PPA2: variants seen among roughly 807,000 people sequenced by gnomAD.
PPA2 encodes the protein inorganic pyrophosphatase 2.
PPA2 carries 48 observed loss-of-function variants against 49.5 expected under a neutral mutation model. The observed-to-expected ratio is 0.97, with a 90% CI of 0.77 to 1.23. The LOEUF (loss-of-function observed/expected upper bound fraction) is 1.23. PPA2 is among the 50% of genes most tolerant of loss of function. The pLI, the probability that PPA2 is intolerant of heterozygous loss-of-function variation, is 0.00. For missense variants in PPA2, 429 were observed against 410.1 expected, an observed-to-expected ratio of 1.05 and a Z score of -0.40; for synonymous variants, 131 against 139.9, an observed-to-expected ratio of 0.94 and a Z score of 0.45.
intron 7 of PPA2, among the ~76,000 whole-genome samples, chr4:105,422,608 T>C (rs1156447118): frequency 1.3e-5 from 2 of 151,776 alleles, no homozygotes. Context: ...AGATGGGCTA[T>C]ATATTGCTCA....
intron 7 of PPA2, among the ~76,000 whole-genome samples, chr4:105,417,816 T>C (rs1173814532): frequency 8.5e-5 from 13 of 152,124 alleles, no homozygotes; most frequent in Non-Finnish European, 1.6e-4. Flanking sequence ...TCAGCAATCT[T>C]AGAAAGCGAC....
chr4:105,385,295 C>T (rs28545081), intron 10 of PPA2, among the ~76,000 whole-genome samples: 24 of 151,984 alleles, frequency 1.6e-4, no homozygotes, highest in African/African-American at 5.3e-4. Context: ...TCCATCTCTC[C>T]AGATAAAATG....
intron 7 of PPA2, among the ~76,000 whole-genome samples, chr4:105,422,713 C>T (rs1477461825): frequency 1.5e-4 from 23 of 152,224 alleles, no homozygotes; most frequent in Admixed American, 1.4e-3. Context: ...AAGTCACTTA[C>T]ATTCTCTGAC....
intron 9 of PPA2, among the ~76,000 whole-genome samples, chr4:105,393,034 A>G (rs1029145986): frequency 1.1e-4 from 17 of 152,192 alleles, no homozygotes; most frequent in African/African-American, 3.6e-4. Flanking sequence ...TGGCAAAGGA[A>G]ACAAAATGAG....
rs945551103 is a variant in PPA2 at position 105,446,286 on chromosome 4, T to G, written c.441+97A>C. The G allele has an allele frequency of 2.4e-6, 3 of 1,264,750 alleles. No individual in the cohort carries two copies. In the Admixed American group the frequency reaches 8.3e-5, roughly 35 times the overall value. The allele number at this position is 1,264,750 out of a possible 1,614,324, so 78.3% of individuals were successfully genotyped here. Reference sequence around the variant, plus strand: ...AATTTACAAACCTCTCCAAATGACATGTCCTCAGAACCAATTTAAATTCAG... The same window carrying G: ...AATTTACAAACCTCTCCAAATGACAGGTCCTCAGAACCAATTTAAATTCAG... On this transcript the variant is annotated intron_variant, in intron 5 of 11. Coordinates refer to ENST00000341695, the MANE Select transcript of PPA2 (RefSeq NM_176869.3).
chr4:105,440,842 A>C (rs1724327241), intron 5 of PPA2, among the ~76,000 whole-genome samples: 1 of 152,220 alleles, frequency 6.6e-6, no homozygotes, highest in Non-Finnish European at 1.5e-5. Context: ...TTGAGAAATT[A>C]AGTACCCAAG....
At chr4:105,379,215 C>T (rs2110365555) in intron 10 of PPA2, among the ~76,000 whole-genome samples, 1 of 152,116 alleles carries the variant, frequency 6.6e-6, no homozygotes, top group African/African-American at 2.4e-5. Context: ...AGGTTCTTTG[C>T]ATACTTTTGC....
At chr4:105,384,398 A>G (rs1002456886) in intron 10 of PPA2, among the ~76,000 whole-genome samples, 2 of 151,966 alleles carry the variant, frequency 1.3e-5, no homozygotes, top group African/African-American at 2.4e-5. Flanking sequence ...TAGATCACAT[A>G]TATGTCCTCC....
rs36109695 is a variant in PPA2, at chr4:105,373,766, T to TACACACACACAC, written c.940-2905_940-2894dup. ...CAAAGCCATATGATATATATTTAAA[T>TACACACACACAC]ACACACACACACACACACACACACA... On this transcript the variant is annotated intron_variant, in intron 10 of 11. Coordinates refer to ENST00000341695, the MANE Select transcript of PPA2 (RefSeq NM_176869.3). Among the ~76,000 whole-genome samples, 161 of 148,390 alleles carry TACACACACACAC rather than the reference T, an allele frequency of 1.1e-3. 1 individual carries two copies. Among genetic ancestry groups the TACACACACACAC allele is most frequent in the African/African-American group, 3.5e-3 (142 of 40,096 alleles).
chr4:105,454,100 T>G (rs1722778468), intron 2 of PPA2, among the ~76,000 whole-genome samples: 1 of 152,186 alleles, frequency 6.6e-6, no homozygotes, highest in Non-Finnish European at 1.5e-5. Flanking sequence ...CTTTTTTTCT[T>G]TTTTCTTTTC....
intron 10 of PPA2, among the ~76,000 whole-genome samples, chr4:105,383,204 T>C (rs946772714): frequency 1.3e-5 from 2 of 152,192 alleles, no homozygotes; most frequent in Non-Finnish European, 2.9e-5. Flanking sequence ...CAAACATCTA[T>C]ATTTGTAAAC....
At chr4:105,457,340 T>TTAAATAAACACAATGCCTTG (rs1722913752) in intron 1 of PPA2, among the ~76,000 whole-genome samples, 1 of 152,228 alleles carries the variant, frequency 6.6e-6, no homozygotes, top group Non-Finnish European at 1.5e-5. Flanking sequence ...CTTTCAATAT[T>TTAAATAAACACAATGCCTTG]TAAATAAACA....
At chr4:105,450,040 C>CT (rs1006225892) in intron 3 of PPA2, among the ~76,000 whole-genome samples, 58 of 147,320 alleles carry the variant, frequency 3.9e-4, no homozygotes, top group African/African-American at 6.4e-4. Flanking sequence ...TATGGCTTCA[C>CT]TTTTTTTTTT....
intron 1 of PPA2, among the ~76,000 whole-genome samples, chr4:105,459,181 A>G (rs72952287): frequency 0.044 from 6,658 of 152,256 alleles, 498 homozygotes; most frequent in African/African-American, 0.15. Context: ...GCACAACGTA[A>G]GGATAAAAAT....
At chr4:105,411,837 A>C (rs1337310447) in intron 7 of PPA2, among the ~76,000 whole-genome samples, 1 of 152,210 alleles carries the variant, frequency 6.6e-6, no homozygotes, top group Non-Finnish European at 1.5e-5. Flanking sequence ...ACTCCCATTC[A>C]CAATTGCTAC....
chr4:105,435,991 T>C (rs1222579827), intron 6 of PPA2, among the ~76,000 whole-genome samples: 1 of 152,054 alleles, frequency 6.6e-6, no homozygotes, highest in Non-Finnish European at 1.5e-5. Flanking sequence ...AAAAGGTATC[T>C]AAATTGGAAA....
intron 7 of PPA2, among the ~76,000 whole-genome samples, chr4:105,413,955 C>A (rs1357382457): frequency 6.6e-6 from 1 of 152,136 alleles, no homozygotes; most frequent in South Asian, 2.1e-4. Flanking sequence ...AGAATGTCTG[C>A]AACCTAAATA....
chr4:105,376,052 A>G (rs993772459), intron 10 of PPA2, among the ~76,000 whole-genome samples: 1 of 152,240 alleles, frequency 6.6e-6, no homozygotes, highest in South Asian at 2.1e-4. Flanking sequence ...ATTCCAAATG[A>G]TAACAATGCC....
intron 1 of PPA2, among the ~76,000 whole-genome samples, chr4:105,460,529 T>C (rs1347792019): frequency 1.3e-5 from 2 of 152,190 alleles, no homozygotes; most frequent in Non-Finnish European, 2.9e-5. Flanking sequence ...CAATCTGTGA[T>C]TGTCCTCTCT....
Sources: allele counts gnomAD v4.1 joint callset (sites outside exome capture counted in the v4.1 genomes callset), GRCh38; gene constraint gnomAD v4.1.1; transcripts MANE v1.5; gene names NCBI Gene and HGNC (gene_info 2026-07-23, HGNC 2026-07-21).